Variants in DCST2 observed in about 807,000 individuals in gnomAD.
DCST2 encodes the protein DC-STAMP domain-containing protein 2.
Under a neutral mutation model 81.8 loss-of-function variants are expected in DCST2, and 64 were observed. That is an observed-to-expected ratio of 0.78 (90% CI 0.64 to 0.96). The LOEUF (loss-of-function observed/expected upper bound fraction) is 0.96, where lower values mean the gene tolerates loss of function less well. DCST2 is among the 40% of genes least tolerant of loss of function. The probability of loss-of-function intolerance (pLI) is 0.00; values close to 1 mark genes in which losing one functional copy is unlikely to be tolerated. For synonymous variants in DCST2, 354 were observed against 402.6 expected (o/e 0.88, Z 1.44); for missense variants, 945 against 1,001.4 (o/e 0.94, Z 0.76).
At chr1:155,021,906 G>C (rs917149266) in intron 14 of DCST2, among the ~76,000 whole-genome samples, 37 of 150,348 alleles carry the variant, frequency 2.5e-4, no homozygotes, top group African/African-American at 8.9e-4. Flanking sequence ...CTATCATCCA[G>C]GCTGGGCTGG....
In DCST2 at chr1:155,026,728, C is replaced by T. The variant is rs1275933857; in HGVS notation, c.1343-13G>A. The T allele has an allele frequency of 1.9e-6, 3 of 1,613,898 alleles. No individual in the cohort carries two copies. Among genetic ancestry groups the T allele is most frequent in the African/African-American group, 2.7e-5 (2 of 74,942 alleles). ...ACCAACACAGGACCTGGCACAAAGA[C>T]ACTGTGTGAGTGACACTCATGGCAG... On this transcript the variant is annotated splice_polypyrimidine_tract_variant and intron_variant, in intron 8 of 14. Transcript: ENST00000368424.
intron 14 of DCST2, among the ~76,000 whole-genome samples, chr1:155,019,834 C>T (rs914612672): frequency 5.9e-5 from 9 of 152,252 alleles, no homozygotes; most frequent in African/African-American, 1.4e-4. Flanking sequence ...TCATCTGGGC[C>T]TTTGACGCTA....
chr1:155,022,130 G>A (rs1316679906), intron 14 of DCST2, among the ~76,000 whole-genome samples: 1 of 152,114 alleles, frequency 6.6e-6, no homozygotes, highest in Non-Finnish European at 1.5e-5. Context: ...GCCTCCCAAA[G>A]TTCTAGGATT....
Position 155,033,524 on chromosome 1 carries a change from G to C in DCST2, c.178C>G (p.Leu60Val). Residue 60 changes from leucine to valine, a missense_variant, in exon 1 of 15, where the codon CTC becomes GTC. Transcript: ENST00000368424. ...AGGCTAAGGAAGGCAGCCAAAGTGAGGGTGCCCACCAGGCAACCCCAGGGG... is the reference window on the plus strand; with the variant it reads ...AGGCTAAGGAAGGCAGCCAAAGTGACGGTGCCCACCAGGCAACCCCAGGGG... ...HSPWGCLVGT[L>V]TLAAFLSLGM... is the part of the protein sequence containing the mutation. The C allele has an allele frequency of 6.2e-7, 1 of 1,614,054 alleles. No individual in the cohort carries two copies. The highest frequency in any genetic ancestry group is 1.1e-5 in the South Asian group (1 of 91,086).
At chr1:155,029,477 G>A in intron 7 of DCST2, 80 bp from the exon 8 acceptor site, 2 of 1,424,982 alleles carry the variant, frequency 1.4e-6, no homozygotes, top group South Asian at 2.5e-5. Flanking sequence ...GAGGCCTCCT[G>A]CCCCTAATCA....
rs376614202 is a variant in DCST2 at position 155,018,732 on chromosome 1, G to A, written c.2134C>T (p.Gln712Ter). 55 of 1,613,444 alleles carry A rather than the reference G, an allele frequency of 3.4e-5. No individual in the cohort carries two copies. The African/African-American group carries it at 7.1e-4, about 21-fold the overall frequency. Residue 712 changes from glutamine to a stop codon, truncating the protein, a stop_gained, in exon 15 of 15, where the codon CAG (glutamine) becomes TAG (stop). Transcript: ENST00000368424. LOFTEE classifies it low-confidence loss of function (END_TRUNC). ...AAGGGCTGCTGCCCGTGCTTCCTCT[G>A]CTGAGGCCCCTTCTCCTCATCCAGG... ...SDLDEEKGPQQRKHGQQPLPE... is the reference protein window; with the variant it reads ...SDLDEEKGPQ
chr1:155,031,176 G>A lies in DCST2; in HGVS notation c.798C>T (p.Ile266=), dbSNP rs915404709. 1.8e-5 allele frequency: 29 copies of A among 1,590,690 alleles called. No individual in the cohort carries two copies. Among genetic ancestry groups the A allele is most frequent in the African/African-American group, 2.7e-5 (2 of 73,446 alleles). ...KYIQPFLRQT[I]GTPVIQLLNR... ...CAGGAGGGGGTCACTCACGGGTGCCGATGGTCTGGCGCAAGAAGGGTTGAA... is the reference window on the plus strand; with the variant it reads ...CAGGAGGGGGTCACTCACGGGTGCCAATGGTCTGGCGCAAGAAGGGTTGAA... The change falls in exon 5 of 15, where the codon ATC becomes ATT. Residue 266 remains isoleucine (I), a synonymous_variant. Coordinates refer to ENST00000368424, the MANE Select transcript of DCST2 (RefSeq NM_144622.3).
intron 3 of DCST2, among the ~76,000 whole-genome samples, chr1:155,032,169 A>G (rs1660111181): frequency 6.6e-6 from 1 of 151,736 alleles, no homozygotes; most frequent in Non-Finnish European, 1.5e-5. Flanking sequence ...AACTTTTTGT[A>G]TTTTTAGTAG....
intron 5 of DCST2, 108 bp from the exon 6 acceptor site, chr1:155,030,753 A>G: frequency 8.3e-7 from 1 of 1,211,226 alleles, no homozygotes; most frequent in Admixed American, 2.2e-5. Context: ...CTTACAGACC[A>G]GCTGGGAACC....
At chr1:155,023,479 G>A (rs1019863408) in intron 12 of DCST2, 22 bp from the exon 13 acceptor site, 2 of 1,569,862 alleles carry the variant, frequency 1.3e-6, no homozygotes, top group Non-Finnish European at 1.7e-6. Context: ...CATGGGGAAT[G>A]GAGGTGAACC....
rs769556134 is a variant in DCST2, at chr1:155,024,552, C to T, written c.1662G>A (p.Leu554=). Residue 554 remains leucine (L), a synonymous_variant, in exon 11 of 15, where the codon CTG becomes CTA. Transcript: ENST00000368424. ...YNVLLSRRTN[L]LAALHRSVRR... ...TCACTGATCGGTGCAGGGCAGCCAACAGATTGGTTCGGCGGCTCAGAAGTA... is the reference window on the plus strand; with the variant it reads ...TCACTGATCGGTGCAGGGCAGCCAATAGATTGGTTCGGCGGCTCAGAAGTA... 6 of 1,609,716 alleles carry T rather than the reference C, an allele frequency of 3.7e-6. No homozygotes were observed. In the East Asian group the frequency reaches 6.7e-5, roughly 18 times the overall value.
chr1:155,023,508 CT>C, intron 12 of DCST2, 51 bp from the exon 13 acceptor site: 4 of 1,552,514 alleles, frequency 2.6e-6, no homozygotes, highest in Non-Finnish European at 3.5e-6. Flanking sequence ...CCCACCCACC[CT>C]CTGTGCTTCC....
chr1:155,026,522 C>T, intron 9 of DCST2, 26 bp downstream of exon 9: 1 of 1,613,608 alleles, frequency 6.2e-7, no homozygotes, highest in Non-Finnish European at 8.5e-7. Context: ...TCCACGCCCC[C>T]AGGGACCTCA....
chr1:155,023,327 A>G (rs949557977), intron 13 of DCST2, 37 bp downstream of exon 13: 3 of 1,611,116 alleles, frequency 1.9e-6, no homozygotes, highest in Non-Finnish European at 2.5e-6. Flanking sequence ...CACTGCCCCT[A>G]CAGACTCCAG....
chr1:155,024,383 C>T (rs1659840721), intron 11 of DCST2, 89 bp downstream of exon 11: 1 of 1,460,184 alleles, frequency 6.8e-7, no homozygotes, highest in South Asian at 1.6e-5. Context: ...AATCTCTTGA[C>T]ACTTAGATAG....
chr1:155,031,640 G>A lies in DCST2; in HGVS notation c.673C>T (p.Pro225Ser). ...DAKDSCMMVIPQAYHLCYVLM... is the reference protein window; with the variant it reads ...DAKDSCMMVISQAYHLCYVLM... ...ACGTAACACAGGTGGTAGGCTTGTGGTATGACCATCATGCAGCTGTCCTTG... is the reference window on the plus strand; with the variant it reads ...ACGTAACACAGGTGGTAGGCTTGTGATATGACCATCATGCAGCTGTCCTTG... The change falls in exon 4 of 15, where the codon CCA becomes TCA. Residue 225 changes from proline to serine, a missense_variant. Pro to Ser is a moderately conservative substitution (Grantham distance 74, BLOSUM62 -1). Transcript: ENST00000368424. 1 of 1,614,110 alleles carries A rather than the reference G, an allele frequency of 6.2e-7. No homozygotes were observed.
intron 14 of DCST2, among the ~76,000 whole-genome samples, chr1:155,019,000 A>G (rs1571538581): frequency 6.6e-6 from 1 of 152,162 alleles, no homozygotes; most frequent in Non-Finnish European, 1.5e-5. Flanking sequence ...GGGCAGAATC[A>G]CTAGTGACCT....
chr1:155,019,469 G>A (rs771440361), intron 14 of DCST2, among the ~76,000 whole-genome samples: 2 of 152,174 alleles, frequency 1.3e-5, no homozygotes, highest in Admixed American at 6.5e-5. Context: ...CCACTCAGAC[G>A]TCTTCCTCAG....
chr1:155,026,114 C>T (rs1023163704), intron 10 of DCST2, among the ~76,000 whole-genome samples, 188 bp downstream of exon 10: 4 of 151,906 alleles, frequency 2.6e-5, no homozygotes, highest in Non-Finnish European at 5.9e-5. Flanking sequence ...ACCCCAGAGG[C>T]ACCATTTCTC....
Sources: allele counts gnomAD v4.1 joint callset (sites outside exome capture counted in the v4.1 genomes callset), GRCh38; gene constraint gnomAD v4.1.1; transcripts MANE v1.5; gene names NCBI Gene and HGNC (gene_info 2026-07-23, HGNC 2026-07-21).